ZNF385D: variants seen among roughly 807,000 people sequenced by gnomAD.
ZNF385D encodes zinc finger protein 385D.
A neutral mutation model predicts 35.8 loss-of-function variants in ZNF385D; 15 were observed. The ratio of observed to expected loss-of-function variants is 0.42; its 90% CI spans 0.28 to 0.64. The LOEUF (loss-of-function observed/expected upper bound fraction) is 0.64. ZNF385D is among the 30% of genes least tolerant of loss of function. The pLI, the probability that ZNF385D is intolerant of heterozygous loss-of-function variation, is 0.23. For synonymous variants in ZNF385D, 212 were observed against 186.8 expected (o/e 1.13, Z -1.10); for missense variants, 474 against 494.6 (o/e 0.96, Z 0.39).
chr3:22,202,802 C>T (rs966984604), intron 2 of ZNF385D, among the ~76,000 whole-genome samples: 2 of 152,068 alleles, frequency 1.3e-5, no homozygotes, highest in Admixed American at 6.6e-5. Flanking sequence ...GCTCCCAGCA[C>T]TGAGCAGAGC....
intron 2 of ZNF385D, among the ~76,000 whole-genome samples, chr3:21,588,331 T>C (rs1212561587): frequency 2.0e-5 from 3 of 152,174 alleles, no homozygotes; most frequent in Non-Finnish European, 4.4e-5. Context: ...TTTCATCTCA[T>C]AGCTAAATGG....
At chr3:22,363,608 G>A (rs1368843677) in intron 2 of ZNF385D, among the ~76,000 whole-genome samples, 1 of 152,030 alleles carries the variant, frequency 6.6e-6, no homozygotes, top group African/African-American at 2.4e-5. Context: ...TTTTTTATCT[G>A]GAAAAATAGT....
chr3:22,238,030 A>G (rs1161836826), intron 2 of ZNF385D, among the ~76,000 whole-genome samples: 4 of 150,962 alleles, frequency 2.6e-5, no homozygotes, highest in African/African-American at 7.4e-5. Flanking sequence ...TGGAAATCCA[A>G]TTGTCCCAGT....
chr3:22,199,772 C>T (rs1175480293), intron 2 of ZNF385D, among the ~76,000 whole-genome samples: 2 of 152,084 alleles, frequency 1.3e-5, no homozygotes, highest in South Asian at 4.1e-4. Flanking sequence ...AGGCCAAAAA[C>T]TGAAGAGAAT....
chr3:22,240,666 T>A (rs9809638), intron 2 of ZNF385D, among the ~76,000 whole-genome samples: 3,119 of 151,070 alleles, frequency 0.021, 257 homozygotes, highest in African/African-American at 0.072. Context: ...ATTGCTGCCC[T>A]CTTGATCCTC....
intron 2 of ZNF385D, among the ~76,000 whole-genome samples, chr3:22,203,233 C>T (rs371441710): frequency 3.4e-4 from 51 of 152,176 alleles, no homozygotes; most frequent in African/African-American, 8.7e-4. Context: ...GGCAGAGATG[C>T]GAGGCCCTCA....
At chr3:21,815,092 G>A (rs1387485864) in intron 3 of ZNF385D, among the ~76,000 whole-genome samples, 13 of 152,144 alleles carry the variant, frequency 8.5e-5, no homozygotes, top group East Asian at 3.9e-4. Context: ...TACTGGGTAC[G>A]TAACGAAATG....
chr3:21,974,718 T>G, intron 3 of ZNF385D, among the ~76,000 whole-genome samples: 1 of 151,834 alleles, frequency 6.6e-6, no homozygotes, highest in East Asian at 1.9e-4. Context: ...CTCAGACAAC[T>G]CAATAAGAAA....
At chr3:22,342,016 C>T (rs58796076) in intron 2 of ZNF385D, among the ~76,000 whole-genome samples, 44,247 of 151,790 alleles carry the variant, frequency 0.29, 6,947 homozygotes, top group African/African-American at 0.37. Context: ...TGGCTCACGT[C>T]TGTAATCCCA....
At chr3:21,676,793 ATTT>A (rs35309798) in intron 1 of ZNF385D, among the ~76,000 whole-genome samples, 2 of 150,686 alleles carry the variant, frequency 1.3e-5, no homozygotes, top group Admixed American at 6.6e-5. Flanking sequence ...GCCCATATGT[ATTT>A]TTTTTTTTAT....
At chr3:21,681,696 A>C (rs1298871811) in intron 1 of ZNF385D, among the ~76,000 whole-genome samples, 1 of 84,196 alleles carries the variant, frequency 1.2e-5, no homozygotes, top group South Asian at 4.0e-4. Context: ...ATAAAAAAAA[A>C]CGAAAAAAAA....
At chr3:22,189,844 T>G (rs1158599563) in intron 2 of ZNF385D, among the ~76,000 whole-genome samples, 1 of 152,162 alleles carries the variant, frequency 6.6e-6, no homozygotes, top group Non-Finnish European at 1.5e-5. Context: ...CATTGCCTTG[T>G]GTCCTGTTGA....
intron 1 of ZNF385D, among the ~76,000 whole-genome samples, chr3:21,729,552 C>A (rs2068905247): frequency 6.6e-6 from 1 of 152,148 alleles, no homozygotes; most frequent in Non-Finnish European, 1.5e-5. Context: ...CCACAAGGTA[C>A]TTTAAAGATA....
intron 2 of ZNF385D, among the ~76,000 whole-genome samples, chr3:21,663,919 T>TATATATATATATATATATATA (rs1201308131): frequency 3.6e-3 from 141 of 39,118 alleles, no homozygotes; most frequent in African/African-American, 9.3e-3. Context: ...ATATATATAT[T>TATATATATATATATATATATA]TATTTATTTA....
At position 21,756,894 on chromosome 3, in the gene ZNF385D, G is replaced by C. The variant is rs576568910; in HGVS notation, c.326-91866C>G. On this transcript the variant is annotated intron_variant, in intron 3 of 5. Transcript: ENST00000494108. ...ATTTATCTGTGTAGTGTTTTAATCA[G>C]AATTTTTTAAGTTGTGTAGACACTG... is the stretch of plus-strand genomic sequence containing the variant. 2.6e-5 allele frequency among the ~76,000 whole-genome samples: 4 copies of C among 152,198 alleles called. 1 individual carries two copies. Among genetic ancestry groups the C allele is most frequent in the Non-Finnish European group, 2.9e-5 (2 of 68,012 alleles).
At chr3:21,794,699 G>T (rs1050938432) in intron 3 of ZNF385D, among the ~76,000 whole-genome samples, 6 of 152,128 alleles carry the variant, frequency 3.9e-5, no homozygotes, top group Admixed American at 2.6e-4. Flanking sequence ...AGTCATCCAG[G>T]AGGCGATTAC....
chr3:22,271,210 T>G (rs990438752), intron 2 of ZNF385D, among the ~76,000 whole-genome samples: 2 of 126,478 alleles, frequency 1.6e-5, no homozygotes, highest in Non-Finnish European at 3.5e-5. Flanking sequence ...TGAGCTATTA[T>G]AGTCAGGAGA....
chr3:21,477,149 G>A (rs1453562796), intron 4 of ZNF385D, among the ~76,000 whole-genome samples: 3 of 152,174 alleles, frequency 2.0e-5, no homozygotes, highest in Non-Finnish European at 4.4e-5. Context: ...GAAGGTTGAG[G>A]AGGGTGGATC....
intron 2 of ZNF385D, among the ~76,000 whole-genome samples, chr3:22,276,159 ATTT>A (rs576328261): frequency 2.5e-3 from 388 of 152,208 alleles, no homozygotes; most frequent in African/African-American, 8.9e-3. Flanking sequence ...AAAATTTATT[ATTT>A]ATTATGAATT....
Sources: gnomAD v4.1 joint callset for allele counts (sites outside exome capture counted in the v4.1 genomes callset) on GRCh38, gnomAD v4.1.1 for gene constraint, MANE v1.5 for transcripts, NCBI Gene and HGNC (gene_info 2026-07-23, HGNC 2026-07-21) for gene names.